C10orf143: variants seen among roughly 807,000 people sequenced by gnomAD.
C10orf143 encodes the protein chromosome 10 open reading frame 143, also known as uncharacterized protein C10orf143.
chr10:130,106,033 C>A, intron 1 of C10orf143: 1 of 512,468 alleles, frequency 2.0e-6, no homozygotes, highest in Non-Finnish European at 3.8e-6. Flanking sequence ...ACCGCCAGAG[C>A]AGCCTTGGCG....
rs2764373 is a variant in C10orf143, at chr10:130,038,872, G to A, written c.298-2902C>T. Among the ~76,000 whole-genome samples the A allele has an allele frequency of 3.1e-3, 474 of 152,316 alleles. 2 individuals carry two copies. Among genetic ancestry groups the A allele is most frequent in the African/African-American group, 0.011 (447 of 41,576 alleles). ...AGGAGGCGGAGACGGTAGCAAGGCC[G>A]GAGGGAGTGATGGGCCAGCAGGCTC... On this transcript the variant is annotated intron_variant and NMD_transcript_variant, in intron 3 of 5. Coordinates refer to the C10orf143 transcript ENST00000643056.
chr10:130,090,082 T>A (rs1268272862), intron 1 of C10orf143, among the ~76,000 whole-genome samples: 5 of 152,176 alleles, frequency 3.3e-5, no homozygotes, highest in African/African-American at 1.2e-4. Context: ...ATTCAAAGGT[T>A]TGGGGCTTCA....
chr10:130,056,484 CAGTG>C lies in C10orf143; in HGVS notation c.298-20518_298-20515del, dbSNP rs1323270201. On this transcript the variant is annotated intron_variant and NMD_transcript_variant, in intron 3 of 5. Coordinates refer to the C10orf143 transcript ENST00000643056. The surrounding 1 kb of genome is among the most constrained non-coding windows in gnomAD (Gnocchi z 4.6). ...AACTCATACTTGGCTGGTCCATAGTCAGTGAGAAATGAGGAAAAGAAACAATGTC... is the reference window on the plus strand; with the variant it reads ...AACTCATACTTGGCTGGTCCATAGTCAGAAATGAGGAAAAGAAACAATGTC... 2.6e-5 allele frequency among the ~76,000 whole-genome samples: 4 copies of C among 152,018 alleles called. No homozygotes were observed. The highest frequency in any genetic ancestry group is 5.9e-5 in the Non-Finnish European group (4 of 68,010).
At chr10:130,106,649 A>T in intron 1 of C10orf143, 1 of 1,261,102 alleles carries the variant, frequency 7.9e-7, no homozygotes, top group Non-Finnish European at 1.2e-6. Flanking sequence ...AATGACTGAG[A>T]AACAACTGAA....
At chr10:130,050,109 A>C (rs1305652463) in intron 3 of C10orf143, among the ~76,000 whole-genome samples, 1 of 152,230 alleles carries the variant, frequency 6.6e-6, no homozygotes, top group African/African-American at 2.4e-5. Flanking sequence ...AGGATTCAAA[A>C]ACAGAAAACA....
chr10:130,045,899 C>A (rs1860663932), intron 3 of C10orf143, among the ~76,000 whole-genome samples: 3 of 152,270 alleles, frequency 2.0e-5, no homozygotes, highest in Admixed American at 2.0e-4. Context: ...AACGTGCCTG[C>A]CACGTGCGGG....
At chr10:130,105,161 C>T (rs925439856) in intron 1 of C10orf143, among the ~76,000 whole-genome samples, 10 of 152,104 alleles carry the variant, frequency 6.6e-5, no homozygotes, top group Admixed American at 5.2e-4. Flanking sequence ...CTCCTGACCT[C>T]AAGTGATCAG....
At chr10:130,090,097 A>C (rs1029897739) in intron 1 of C10orf143, among the ~76,000 whole-genome samples, 4 of 152,248 alleles carry the variant, frequency 2.6e-5, no homozygotes, top group Admixed American at 2.0e-4. Context: ...GCTTCAAACA[A>C]CACCATTAAG....
intron 3 of C10orf143, among the ~76,000 whole-genome samples, chr10:130,041,089 G>A (rs1165497835): frequency 3.3e-5 from 5 of 152,260 alleles, no homozygotes; most frequent in Non-Finnish European, 7.3e-5. Context: ...TCCCTCCACT[G>A]AAGGGCAGGT....
At chr10:130,105,594 G>A (rs1283687728) in intron 1 of C10orf143, among the ~76,000 whole-genome samples, 2 of 152,098 alleles carry the variant, frequency 1.3e-5, no homozygotes, top group South Asian at 2.1e-4. Context: ...GCTGGGCATG[G>A]TGGCGGGCAC....
chr10:130,058,425 G>A (rs1014463601), intron 3 of C10orf143, among the ~76,000 whole-genome samples: 1 of 152,114 alleles, frequency 6.6e-6, no homozygotes, highest in African/African-American at 2.4e-5. Context: ...ATTCAGCACG[G>A]TGTCTGACAT....
chr10:130,106,955 G>A (rs769631235), intron 1 of C10orf143: 2 of 1,004,356 alleles, frequency 2.0e-6, no homozygotes, highest in East Asian at 2.4e-5. Context: ...TGCTTACTTA[G>A]ATGATCCTCT....
intron 1 of C10orf143, among the ~76,000 whole-genome samples, chr10:130,105,453 G>A (rs1447196024): frequency 6.6e-6 from 1 of 152,120 alleles, no homozygotes; most frequent in East Asian, 1.9e-4. Context: ...AATCCAGGAT[G>A]GGCACGGTGT....
chr10:130,051,313 A>G (rs376146806), intron 3 of C10orf143, among the ~76,000 whole-genome samples: 54 of 52,840 alleles, frequency 1.0e-3, no homozygotes, highest in African/African-American at 2.2e-3. Flanking sequence ...TCCCTCTCCT[A>G]CCCCCGCCTC....
chr10:130,050,063 AATC>A (rs1860718826), intron 3 of C10orf143, among the ~76,000 whole-genome samples: 1 of 152,216 alleles, frequency 6.6e-6, no homozygotes, highest in Non-Finnish European at 1.5e-5. Context: ...CCCAGGAGAA[AATC>A]ATCAGCCATA....
At chr10:130,071,561 A>G (rs544862925) in intron 3 of C10orf143, among the ~76,000 whole-genome samples, 36 of 152,338 alleles carry the variant, frequency 2.4e-4, no homozygotes, top group Non-Finnish European at 4.0e-4. Context: ...CTTTCCTGCA[A>G]AAAGCTTTTC....
chr10:130,103,707 G>A (rs930849767), intron 1 of C10orf143, among the ~76,000 whole-genome samples: 16 of 151,262 alleles, frequency 1.1e-4, no homozygotes, highest in Non-Finnish European at 2.1e-4. Context: ...CTACTCAGGA[G>A]GCTGAGGCAG....
intron 1 of C10orf143, among the ~76,000 whole-genome samples, chr10:130,088,853 C>T (rs962058147): frequency 6.6e-6 from 1 of 152,170 alleles, no homozygotes; most frequent in Non-Finnish European, 1.5e-5. Flanking sequence ...TAGGAGGTTT[C>T]TTTCTATGAC....
chr10:130,043,647 C>CTTA (rs1397081014), intron 3 of C10orf143, among the ~76,000 whole-genome samples: 7 of 152,214 alleles, frequency 4.6e-5, no homozygotes, highest in African/African-American at 1.7e-4. Flanking sequence ...CCCAGGTGCC[C>CTTA]TGCTCTCCCG....
Sources: allele counts gnomAD v4.1 joint callset (sites outside exome capture counted in the v4.1 genomes callset), GRCh38; gene constraint gnomAD v4.1.1; non-coding constraint Gnocchi (gnomAD v3.1); transcripts MANE v1.5; gene names NCBI Gene and HGNC (gene_info 2026-07-23, HGNC 2026-07-21).